PPP1R37: variants seen among roughly 807,000 people sequenced by gnomAD.
The protein encoded by PPP1R37 is leucine rich repeat containing 68.
PPP1R37 carries 21 observed loss-of-function variants against 61.0 expected under a neutral mutation model. The ratio of observed to expected loss-of-function variants is 0.34; its 90% confidence interval spans 0.24 to 0.50. PPP1R37 has a LOEUF of 0.50. Among genes scored for constraint, PPP1R37 ranks in the 20% least tolerant of loss-of-function variants. The pLI is 0.98. For synonymous variants in PPP1R37, 443 were observed against 433.5 expected (o/e 1.02, Z -0.27); for missense variants, 910 against 952.7 (o/e 0.96, Z 0.59).
chr19:45,125,186 C>T (rs1317880903), intron 1 of PPP1R37, among the ~76,000 whole-genome samples: 3 of 152,146 alleles, frequency 2.0e-5, no homozygotes, highest in East Asian at 1.9e-4. Context: ...TGAGCTTGGC[C>T]GGGCACAGTG....
chr19:45,129,514 G>T (rs1251537761), intron 1 of PPP1R37, among the ~76,000 whole-genome samples: 1 of 152,176 alleles, frequency 6.6e-6, no homozygotes, highest in Non-Finnish European at 1.5e-5. Flanking sequence ...GGCCAGGCTG[G>T]TCTTGAACTC....
chr19:45,120,299 G>A lies in PPP1R37; in HGVS notation c.203-18215G>A, dbSNP rs1361310053. 2.0e-5 allele frequency among the ~76,000 whole-genome samples: 3 copies of A among 152,194 alleles called. 1 individual carries two copies. Among genetic ancestry groups the A allele is most frequent in the South Asian group, 4.1e-4 (2 of 4,824 alleles). ...CCCAAAGTGCTGGGATTAGAGGCGTGAGCCACCGCACCCGGCTTTCCCCAC... is the reference window on the plus strand; with the variant it reads ...CCCAAAGTGCTGGGATTAGAGGCGTAAGCCACCGCACCCGGCTTTCCCCAC... On this transcript the variant is annotated intron_variant, in intron 1 of 12. Transcript: ENST00000221462.
chr19:45,134,283 C>T lies in PPP1R37; in HGVS notation c.203-4231C>T, dbSNP rs565780719. 1.8e-4 allele frequency among the ~76,000 whole-genome samples: 27 copies of T among 152,198 alleles called. No individual in the cohort carries two copies. The South Asian group carries it at 5.2e-3, about 29-fold the overall frequency. ...CCTCACATAGTGCTGGGATTGCAGGCGTGAGCCATGTGCCCAGTCTCCTCT... is the reference window on the plus strand; with the variant it reads ...CCTCACATAGTGCTGGGATTGCAGGTGTGAGCCATGTGCCCAGTCTCCTCT... On this transcript the variant is annotated intron_variant, in intron 1 of 12. Transcript: ENST00000221462.
chr19:45,130,521 G>A lies in PPP1R37; in HGVS notation c.203-7993G>A, dbSNP rs1968463435. Among the ~76,000 whole-genome samples, 3 of 152,148 alleles carry A rather than the reference G, an allele frequency of 2.0e-5. No individual in the cohort carries two copies. The highest frequency in any genetic ancestry group is 2.1e-4 in the South Asian group (1 of 4,830). On this transcript the variant is annotated intron_variant, in intron 1 of 12. Coordinates refer to ENST00000221462, the MANE Select transcript of PPP1R37 (RefSeq NM_019121.2). This position sits in a 1 kb window ranked among gnomAD's most constrained non-coding sequence, Gnocchi z 4.4. ...ACGGGGTTTGCACAGGGACTGCGCA[G>A]TGGGCCTCCTGAATGAAGACCCAGA...
At chr19:45,098,697 G>A (rs867420951) in intron 1 of PPP1R37, among the ~76,000 whole-genome samples, 56 of 152,134 alleles carry the variant, frequency 3.7e-4, no homozygotes, top group African/African-American at 1.2e-3. Context: ...CCATACTGTT[G>A]GCTATTGAAA....
intron 1 of PPP1R37, among the ~76,000 whole-genome samples, chr19:45,106,464 G>C (rs1257323995): frequency 2.6e-5 from 4 of 151,906 alleles, no homozygotes; most frequent in Non-Finnish European, 5.9e-5. Context: ...GGCTGATCTC[G>C]AACTCCTGAC....
intron 7 of PPP1R37, chr19:45,143,175 A>C (rs1238202980): frequency 4.3e-6 from 1 of 234,880 alleles, no homozygotes; most frequent in African/African-American, 2.3e-5. Flanking sequence ...GACAACGATA[A>C]GATGAGTGAA....
At chr19:45,116,319 C>T (rs906575612) in intron 1 of PPP1R37, among the ~76,000 whole-genome samples, 5 of 152,238 alleles carry the variant, frequency 3.3e-5, no homozygotes, top group Non-Finnish European at 7.3e-5. Context: ...CTGGAGTGGG[C>T]AGGCCTTGCC....
In PPP1R37 at chr19:45,095,882, G is replaced by A. The variant is rs1967986793; in HGVS notation, c.202+2355G>A. Reference sequence around the variant, plus strand: ...AGTCAGAATGCCCCCTGGCTATTGCGTGATATCCAGTCCAGAGCAGGAAGG... The same window carrying A: ...AGTCAGAATGCCCCCTGGCTATTGCATGATATCCAGTCCAGAGCAGGAAGG... On this transcript the variant is annotated intron_variant, in intron 1 of 12. Coordinates refer to ENST00000221462, the MANE Select transcript of PPP1R37 (RefSeq NM_019121.2). 3.9e-5 allele frequency among the ~76,000 whole-genome samples: 6 copies of A among 152,108 alleles called. No homozygotes were observed. In the South Asian group the frequency reaches 8.3e-4, roughly 21 times the overall value.
chr19:45,142,107 A>G lies in PPP1R37; in HGVS notation c.614A>G (p.Asp205Gly), dbSNP rs1366202228. 6.5e-7 allele frequency: 1 copy of G among 1,533,656 alleles called. No individual in the cohort carries two copies. The highest frequency in any genetic ancestry group is 1.2e-5 in the South Asian group (1 of 83,876). ...GACGCCCGCAACACGCCCCTGCTGG[A>G]CCACTCGGCGCCCTTCGTGGCCCGT... ...YLDARNTPLL[D>G]HSAPFVARAL... The change falls in exon 6 of 13, where the codon GAC becomes GGC. Residue 205 changes from aspartate to glycine, a missense_variant. Physicochemically the swap from Asp to Gly is moderately conservative, Grantham distance 94. This residue lies in a region of PPP1R37 where 280 missense variants were observed against 382.2 expected (regional missense o/e 0.73). Transcript: ENST00000221462.
chr19:45,131,178 G>A (rs951206676), intron 1 of PPP1R37, among the ~76,000 whole-genome samples: 3 of 152,202 alleles, frequency 2.0e-5, no homozygotes, highest in Admixed American at 1.3e-4. Flanking sequence ...CACAGCCGGC[G>A]GGAGTGGGAG....
intron 1 of PPP1R37, among the ~76,000 whole-genome samples, chr19:45,094,913 A>G (rs1325366402): frequency 6.6e-6 from 1 of 152,116 alleles, no homozygotes; most frequent in Admixed American, 6.6e-5. Flanking sequence ...AGGGCTGGGA[A>G]AGTGGAAAGT....
chr19:45,094,066 G>A (rs1454218306), intron 1 of PPP1R37, among the ~76,000 whole-genome samples: 1 of 152,222 alleles, frequency 6.6e-6, no homozygotes, highest in Non-Finnish European at 1.5e-5. Flanking sequence ...TTGGTAAAAA[G>A]GAGTCAAGAT....
chr19:45,130,346 C>A lies in PPP1R37; in HGVS notation c.203-8168C>A, dbSNP rs1445684451. Among the ~76,000 whole-genome samples the A allele has an allele frequency of 6.6e-6, 1 of 152,174 alleles. No homozygotes were observed. Among genetic ancestry groups the A allele is most frequent in the East Asian group, 1.9e-4 (1 of 5,196 alleles). ...CTCTGCCCCTCGCCCCCAGTGGCTCCGGTCTCCTGCAGAATGAGAGCGAAG... is the reference window on the plus strand; with the variant it reads ...CTCTGCCCCTCGCCCCCAGTGGCTCAGGTCTCCTGCAGAATGAGAGCGAAG... On this transcript the variant is annotated intron_variant, in intron 1 of 12. Transcript: ENST00000221462. This position sits in a 1 kb window ranked among gnomAD's most constrained non-coding sequence, Gnocchi z 4.4.
chr19:45,146,259 C>A, intron 11 of PPP1R37, 131 bp from the exon 12 acceptor site: 3 of 933,448 alleles, frequency 3.2e-6, no homozygotes, highest in Non-Finnish European at 4.8e-6. Flanking sequence ...AGGTGTGCTG[C>A]CTTGAGCCTG....
Position 45,130,182 on chromosome 19 carries a change from C to T in PPP1R37, c.203-8332C>T, listed in dbSNP as rs1968457965. ...AAAACCCAGGGACAGGTGAGGCTGT[C>T]ACCATCCAAGATGGCAATCTGGTGT... On this transcript the variant is annotated intron_variant, in intron 1 of 12. Coordinates refer to ENST00000221462, the MANE Select transcript of PPP1R37 (RefSeq NM_019121.2). This position sits in a 1 kb window ranked among gnomAD's most constrained non-coding sequence, Gnocchi z 4.4. Among the ~76,000 whole-genome samples, 1 of 152,134 alleles carries T rather than the reference C, an allele frequency of 6.6e-6. No homozygotes were observed. Among genetic ancestry groups the T allele is most frequent in the African/African-American group, 2.4e-5 (1 of 41,428 alleles).
At chr19:45,124,196 G>A (rs765975131) in intron 1 of PPP1R37, among the ~76,000 whole-genome samples, 27 of 152,186 alleles carry the variant, frequency 1.8e-4, no homozygotes, top group Non-Finnish European at 3.4e-4. Context: ...CTGACCTACC[G>A]TGGGGATCAG....
At chr19:45,129,268 A>G (rs887561080) in intron 1 of PPP1R37, among the ~76,000 whole-genome samples, 11 of 152,106 alleles carry the variant, frequency 7.2e-5, no homozygotes, top group African/African-American at 2.7e-4. Flanking sequence ...CTCGCACTAC[A>G]GCCCTGGTTG....
chr19:45,115,974 C>CAAA (rs35020667), intron 1 of PPP1R37, among the ~76,000 whole-genome samples: 2 of 128,280 alleles, frequency 1.6e-5, no homozygotes, highest in Non-Finnish European at 3.3e-5. Flanking sequence ...GACTCTGTCT[C>CAAA]AAAAAAAAAA....
Sources: allele counts gnomAD v4.1 joint callset (sites outside exome capture counted in the v4.1 genomes callset), GRCh38; gene constraint gnomAD v4.1.1; regional missense constraint gnomAD v4.1.1; non-coding constraint Gnocchi (gnomAD v3.1); transcripts MANE v1.5; gene names NCBI Gene and HGNC (gene_info 2026-07-23, HGNC 2026-07-21).